EPHA6: variants seen among roughly 807,000 people sequenced by gnomAD.
EPHA6 encodes the protein ephrin type-A receptor 6.
Under a neutral mutation model 112.0 loss-of-function variants are expected in EPHA6, and 50 were observed. The observed-to-expected ratio is 0.45, with a 90% CI of 0.36 to 0.56. The LOEUF (loss-of-function observed/expected upper bound fraction) is 0.56, where lower values mean the gene tolerates loss of function less well. Among genes scored for constraint, EPHA6 ranks in the 20% least tolerant of loss-of-function variants. The pLI, the probability that EPHA6 is intolerant of heterozygous loss-of-function variation, is 0.00. For missense variants in EPHA6, 1,280 were observed against 1,417.4 expected (o/e 0.90, Z 1.56); for synonymous variants, 529 against 490.7 (o/e 1.08, Z -1.03).
intron 3 of EPHA6, among the ~76,000 whole-genome samples, chr3:97,164,556 T>C (rs527909622): frequency 1.3e-5 from 2 of 152,236 alleles, no homozygotes; most frequent in East Asian, 3.9e-4. Flanking sequence ...TTGGTTTAAA[T>C]ATTATTTAAA....
chr3:97,085,518 G>A (rs79964478), intron 3 of EPHA6, among the ~76,000 whole-genome samples: 48 of 152,224 alleles, frequency 3.2e-4, no homozygotes, highest in African/African-American at 1.1e-3. Flanking sequence ...AGTATCGACT[G>A]TTCTGTCATA....
intron 3 of EPHA6, among the ~76,000 whole-genome samples, chr3:97,031,016 T>A (rs1224976597): frequency 6.6e-6 from 1 of 152,022 alleles, no homozygotes. Flanking sequence ...ATATAAGTTA[T>A]TCAGGGGAGG....
At chr3:97,500,298 A>G (rs1441268093) in intron 10 of EPHA6, among the ~76,000 whole-genome samples, 2 of 152,000 alleles carry the variant, frequency 1.3e-5, no homozygotes, top group Non-Finnish European at 2.9e-5. Context: ...TTTTTTAAAA[A>G]AAGAGGTTTA....
intron 5 of EPHA6, among the ~76,000 whole-genome samples, chr3:97,365,022 A>G (rs1033008464): frequency 6.6e-6 from 1 of 152,204 alleles, no homozygotes; most frequent in Non-Finnish European, 1.5e-5. Context: ...TTGCATGTTA[A>G]CAAAACACAT....
At chr3:97,274,784 G>T (rs1166602324) in intron 5 of EPHA6, among the ~76,000 whole-genome samples, 2 of 152,116 alleles carry the variant, frequency 1.3e-5, no homozygotes, top group Middle Eastern at 3.2e-3. Context: ...GGGAAATGGG[G>T]TGAATATCAG....
chr3:97,399,665 T>C lies in EPHA6; in HGVS notation c.1607-5485T>C, dbSNP rs140319784. On this transcript the variant is annotated intron_variant, in intron 5 of 17. Coordinates refer to ENST00000389672, the MANE Select transcript of EPHA6 (RefSeq NM_001080448.3). ...ATGATAGTTTATTGTAATTTTGATT[T>C]ACATTTTCCTGATGATTAGTGATGA... 1.3e-3 allele frequency among the ~76,000 whole-genome samples: 203 copies of C among 151,936 alleles called. 3 individuals carry two copies. In the East Asian group the frequency reaches 0.034, roughly 26 times the overall value.
At chr3:97,545,242 C>T (rs571995666) in intron 11 of EPHA6, among the ~76,000 whole-genome samples, 1 of 152,122 alleles carries the variant, frequency 6.6e-6, no homozygotes, top group African/African-American at 2.4e-5. Context: ...TTGAATGTGT[C>T]CCAGAGATTC....
In EPHA6 at chr3:97,025,208, C is replaced by T. The variant is rs375306260; in HGVS notation, c.1114+37215C>T. On this transcript the variant is annotated intron_variant, in intron 3 of 17. Transcript: ENST00000389672. ...AGATTTAGTAAAGCACCTCTCACTT[C>T]GTAAGCACTCACCATTATTATGCAA... 5.3e-5 allele frequency among the ~76,000 whole-genome samples: 8 copies of T among 152,206 alleles called. 1 individual carries two copies. The East Asian group carries it at 7.7e-4, about 15-fold the overall frequency.
At chr3:96,911,875 T>A (rs2039233545) in intron 2 of EPHA6, among the ~76,000 whole-genome samples, 1 of 152,072 alleles carries the variant, frequency 6.6e-6, no homozygotes, top group Non-Finnish European at 1.5e-5. Flanking sequence ...TTTTCACACA[T>A]TTTTGATACT....
intron 14 of EPHA6, among the ~76,000 whole-genome samples, chr3:97,702,215 G>A (rs918185155): frequency 1.3e-5 from 2 of 152,086 alleles, no homozygotes; most frequent in African/African-American, 4.8e-5. Flanking sequence ...TTTTTATCAG[G>A]TGTTTTATTA....
chr3:97,256,369 G>A (rs991723640), intron 5 of EPHA6, among the ~76,000 whole-genome samples: 2 of 151,984 alleles, frequency 1.3e-5, no homozygotes, highest in African/African-American at 2.4e-5. Flanking sequence ...AGTATGGGAA[G>A]AGTTTTCCTT....
intron 10 of EPHA6, among the ~76,000 whole-genome samples, chr3:97,505,060 C>T (rs142847537): frequency 1.3e-5 from 2 of 152,038 alleles, no homozygotes; most frequent in Non-Finnish European, 2.9e-5. Flanking sequence ...AGAGGAAGTT[C>T]AATTCAGTCT....
chr3:97,648,670 A>C, intron 14 of EPHA6: 1 of 1,056,418 alleles, frequency 9.5e-7, no homozygotes, highest in Non-Finnish European at 1.1e-6. Flanking sequence ...CAGAACTTTC[A>C]CTCACTTTGT....
At chr3:96,854,790 C>T (rs994864421) in intron 1 of EPHA6, among the ~76,000 whole-genome samples, 47 of 152,056 alleles carry the variant, frequency 3.1e-4, no homozygotes, top group African/African-American at 1.1e-3. Context: ...GATGAAGAGA[C>T]CCTAGTTGAG....
intron 7 of EPHA6, among the ~76,000 whole-genome samples, chr3:97,471,900 G>T (rs2091240999): frequency 6.6e-6 from 1 of 151,752 alleles, no homozygotes; most frequent in African/African-American, 2.4e-5. Flanking sequence ...GAGACCAAAA[G>T]CATGCTCCCT....
rs1203460208 is a variant in EPHA6, at chr3:97,059,979, G to C, written c.1114+71986G>C. ...CTACTAAAAATACAAAAATTAGCCA[G>C]GTGTGGTGGCATGTGCCTGTAGTCC... On this transcript the variant is annotated intron_variant, in intron 3 of 17. Coordinates refer to ENST00000389672, the MANE Select transcript of EPHA6 (RefSeq NM_001080448.3). Among the ~76,000 whole-genome samples, 8 of 151,904 alleles carry C rather than the reference G, an allele frequency of 5.3e-5. No individual in the cohort carries two copies. The South Asian group carries it at 1.7e-3, about 32-fold the overall frequency.
At chr3:97,601,988 A>G (rs1026544420) in intron 12 of EPHA6, among the ~76,000 whole-genome samples, 20 of 152,054 alleles carry the variant, frequency 1.3e-4, no homozygotes, top group African/African-American at 4.8e-4. Context: ...TTGAAATACC[A>G]CTGGAAAATA....
intron 11 of EPHA6, among the ~76,000 whole-genome samples, chr3:97,581,570 C>T (rs1206063197): frequency 6.6e-6 from 1 of 152,208 alleles, no homozygotes; most frequent in Middle Eastern, 3.2e-3. Flanking sequence ...AAAAGAGCCA[C>T]AGAGAAAGGT....
chr3:96,968,516 A>G (rs911317066), intron 2 of EPHA6, among the ~76,000 whole-genome samples: 27 of 151,766 alleles, frequency 1.8e-4, no homozygotes, highest in African/African-American at 5.6e-4. Context: ...AATTAGAAGT[A>G]TATATGAGAA....
Sources: gnomAD v4.1 joint callset for allele counts (sites outside exome capture counted in the v4.1 genomes callset) on GRCh38, gnomAD v4.1.1 for gene constraint, MANE v1.5 for transcripts, NCBI Gene and HGNC (gene_info 2026-07-23, HGNC 2026-07-21) for gene names.